Variants in SNX25 observed in about 807,000 individuals in gnomAD.
The protein encoded by SNX25 is sorting nexin-25.
A neutral mutation model predicts 113.7 loss-of-function variants in SNX25; 62 were observed. The ratio of observed to expected loss-of-function variants is 0.55; its 90% CI spans 0.44 to 0.67. SNX25 has a LOEUF of 0.67. SNX25 is among the 30% of genes least tolerant of loss of function. The pLI is 0.00. For synonymous variants in SNX25, 421 were observed against 436.2 expected (o/e 0.97, Z 0.43); for missense variants, 1,014 against 1,161.0 (o/e 0.87, Z 1.84).
chr4:185,292,066 T>C (rs1361557071), intron 6 of SNX25, among the ~76,000 whole-genome samples: 1 of 152,214 alleles, frequency 6.6e-6, no homozygotes, highest in Non-Finnish European at 1.5e-5. Context: ...TTAATTCTGG[T>C]ATCACTATTT....
At chr4:185,219,127 C>G (rs1025351817) in intron 1 of SNX25, among the ~76,000 whole-genome samples, 1 of 152,178 alleles carries the variant, frequency 6.6e-6, no homozygotes, top group Non-Finnish European at 1.5e-5. Flanking sequence ...TGTTGGGGTA[C>G]TCCTGTCTCA....
intron 2 of SNX25, among the ~76,000 whole-genome samples, chr4:185,254,760 A>G (rs148144479): frequency 4.4e-4 from 67 of 152,108 alleles, no homozygotes; most frequent in African/African-American, 1.5e-3. Context: ...CTTTTTACCT[A>G]CTCATTTCTT....
chr4:185,311,719 G>A (rs1000196546), intron 7 of SNX25, among the ~76,000 whole-genome samples: 10 of 152,188 alleles, frequency 6.6e-5, no homozygotes, highest in African/African-American at 1.9e-4. Flanking sequence ...TTTAGCTCTC[G>A]GTTCTACTTC....
rs191926987 is a variant in SNX25 at position 185,238,089 on chromosome 4, A to G, written c.430-9205A>G. On this transcript the variant is annotated intron_variant, in intron 1 of 18. Transcript: ENST00000652585. ...AAAAAAAAAAAAAAAAAAAAAATTT[A>G]GAGCACCTCTCAGCACAGTAGTTGC... 7.6e-3 allele frequency among the ~76,000 whole-genome samples: 1,075 copies of G among 141,236 alleles called. 19 individuals carry two copies. Among genetic ancestry groups the G allele is most frequent in the African/African-American group, 0.025 (1,008 of 40,350 alleles). The allele number at this position is 141,236 out of a possible 152,430, so 92.7% of individuals were successfully genotyped here. A position where few individuals can be genotyped will look rare whatever the true frequency, so the allele number is the denominator to read the frequency against.
chr4:185,226,490 G>T (rs7671920), intron 1 of SNX25, among the ~76,000 whole-genome samples: 99,132 of 152,104 alleles, frequency 0.65, 32,442 homozygotes, highest in East Asian at 0.76. Context: ...TCACTGTGTT[G>T]CCCAGGCTGG....
chr4:185,225,270 T>C (rs909512259), intron 1 of SNX25, among the ~76,000 whole-genome samples: 2 of 152,064 alleles, frequency 1.3e-5, no homozygotes, highest in African/African-American at 4.8e-5. Context: ...AGGCGCCCAC[T>C]ACTCGGGCTA....
At chr4:185,376,902 A>G in the SNX25 span, 4,145 of 1,591,542 alleles carry the variant, frequency 2.6e-3, 102 homozygotes, top group African/African-American at 0.05. Flanking sequence ...TAAACAAAAA[A>G]TGATACCTCT....
intron 6 of SNX25, among the ~76,000 whole-genome samples, chr4:185,297,743 G>A (rs1753036899): frequency 1.3e-5 from 2 of 152,150 alleles, no homozygotes; most frequent in Non-Finnish European, 1.5e-5. Flanking sequence ...GGTGGAGTGG[G>A]GAGAAGGAGA....
chr4:185,329,937 G>T (rs1254263316), intron 9 of SNX25, among the ~76,000 whole-genome samples: 1 of 152,094 alleles, frequency 6.6e-6, no homozygotes, highest in Non-Finnish European at 1.5e-5. Flanking sequence ...CTAGTGGGAT[G>T]GGCTGCTGCT....
At position 185,264,559 on chromosome 4, in the gene SNX25, G is replaced by A. The variant is rs745636671; in HGVS notation, c.853G>A (p.Val285Met). 2.5e-6 allele frequency: 4 copies of A among 1,613,936 alleles called. No homozygotes were observed. The highest frequency in any genetic ancestry group is 1.7e-5 in the Admixed American group (1 of 59,986). Residue 285 changes from valine to methionine, a missense_variant, in exon 4 of 19, where the codon GTG (valine) becomes ATG (methionine). Val to Met is a conservative substitution (Grantham distance 21). Coordinates refer to ENST00000652585, the MANE Select transcript of SNX25 (RefSeq NM_001378034.2). ...LVFCLLPSKD[V>M]QSLSLRIMLA... ...GTTTTGTCTCCTCCCCTCAAAGGAT[G>A]TGCAGTCTCTCAGCTTACGTATAAT...
At chr4:185,214,206 TAAAA>T (rs1179158289) in intron 1 of SNX25, among the ~76,000 whole-genome samples, 1 of 151,918 alleles carries the variant, frequency 6.6e-6, no homozygotes, top group Non-Finnish European at 1.5e-5. Context: ...TCTCCTAAGT[TAAAA>T]AATAAATAGG....
downstream of SNX25, among the ~76,000 whole-genome samples, chr4:185,371,384 T>A (rs957036379): frequency 1.3e-5 from 2 of 151,328 alleles, no homozygotes; most frequent in Non-Finnish European, 2.9e-5. Flanking sequence ...CTAAAAAAGA[T>A]ACAAAAAATT....
chr4:185,327,845 G>A (rs1330880367), intron 9 of SNX25, among the ~76,000 whole-genome samples: 2 of 152,082 alleles, frequency 1.3e-5, no homozygotes, highest in African/African-American at 4.8e-5. Flanking sequence ...ATTCTGTCTG[G>A]GCTGAGTTAT....
At chr4:185,359,698 G>C (rs954089571) in intron 16 of SNX25, among the ~76,000 whole-genome samples, 48 of 152,132 alleles carry the variant, frequency 3.2e-4, no homozygotes, top group African/African-American at 1.1e-3. Context: ...TTCCCAAAAT[G>C]GCCTTCTTTT....
In SNX25 at chr4:185,266,950, TTTC is replaced by T. The variant is rs1560951101; in HGVS notation, c.905-9_905-7del. On this transcript the variant is annotated splice_polypyrimidine_tract_variant and intron_variant, in intron 4 of 18. Coordinates refer to ENST00000652585, the MANE Select transcript of SNX25 (RefSeq NM_001378034.2). ...AGAAGAATACCTTTCTCAGTGGCTA[TTTC>T]TTCTTCTTCCTGTAGTCTTGAAGCC... The T allele has an allele frequency of 8.7e-6, 14 of 1,602,462 alleles. No homozygotes were observed. The highest frequency in any genetic ancestry group is 1.7e-4 in the Middle Eastern group (1 of 5,940).
intron 7 of SNX25, 42 bp downstream of exon 7, chr4:185,310,858 T>A (rs1457361446): frequency 6.5e-7 from 1 of 1,532,090 alleles, no homozygotes; most frequent in South Asian, 1.3e-5. Flanking sequence ...ACCAAGTTTA[T>A]TATAAATGCT....
intron 3 of SNX25, among the ~76,000 whole-genome samples, chr4:185,263,171 G>A (rs1222451554): frequency 6.6e-6 from 1 of 152,108 alleles, no homozygotes; most frequent in Non-Finnish European, 1.5e-5. Context: ...AACGGAGAAG[G>A]GACTGTGTAC....
At chr4:185,278,239 A>G (rs1241704033) in intron 5 of SNX25, among the ~76,000 whole-genome samples, 1 of 152,150 alleles carries the variant, frequency 6.6e-6, no homozygotes, top group Non-Finnish European at 1.5e-5. Context: ...AGTTCTTCCA[A>G]AGGTGGAGGA....
At chr4:185,377,778 TGCAA>T in the SNX25 span, 1 of 235,020 alleles carries the variant, frequency 4.3e-6, no homozygotes, top group African/African-American at 2.3e-5. Flanking sequence ...AAATAATAAT[TGCAA>T]GTCAAGCCTG....
Sources: gnomAD v4.1 joint callset for allele counts (sites outside exome capture counted in the v4.1 genomes callset) on GRCh38, gnomAD v4.1.1 for gene constraint, MANE v1.5 for transcripts, NCBI Gene and HGNC (gene_info 2026-07-23, HGNC 2026-07-21) for gene names.